The following TRPM3 variants were observed in gnomAD, a reference collection of about 807,000 sequenced individuals.
The protein encoded by TRPM3 is transient receptor potential cation channel subfamily M member 3, also known as long transient receptor potential channel 3.
Under a neutral mutation model 181.2 loss-of-function variants are expected in TRPM3, and 77 were observed. The observed-to-expected ratio is 0.42, with a 90% CI of 0.35 to 0.51. The LOEUF (loss-of-function observed/expected upper bound fraction) is 0.51. TRPM3 is among the 20% of genes least tolerant of loss of function. The pLI, the probability that TRPM3 is intolerant of heterozygous loss-of-function variation, is 0.01. For missense variants in TRPM3, 1,759 were observed against 2,196.7 expected, an observed-to-expected ratio of 0.80 and a Z score of 3.98; for synonymous variants, 745 against 796.4, an observed-to-expected ratio of 0.94 and a Z score of 1.09.
At chr9:71,175,341 C>A (rs779997542) in intron 1 of TRPM3, among the ~76,000 whole-genome samples, 1 of 152,124 alleles carries the variant, frequency 6.6e-6, no homozygotes, top group Non-Finnish European at 1.5e-5. Flanking sequence ...TCAAGAGGAA[C>A]AGAAGGTGAG....
intron 9 of TRPM3, among the ~76,000 whole-genome samples, chr9:70,674,758 G>A (rs1379042277): frequency 1.6e-5 from 2 of 126,116 alleles, no homozygotes; most frequent in South Asian, 2.7e-4. Flanking sequence ...TAGAGACAAG[G>A]TCTCACAATG....
At chr9:70,912,949 T>C (rs1161773297) in intron 1 of TRPM3, among the ~76,000 whole-genome samples, 1 of 152,182 alleles carries the variant, frequency 6.6e-6, no homozygotes, top group Non-Finnish European at 1.5e-5. Context: ...ATTTACATCG[T>C]TCCCAACAGT....
intron 1 of TRPM3, among the ~76,000 whole-genome samples, chr9:70,962,008 A>G (rs1725242258): frequency 6.6e-6 from 1 of 152,168 alleles, no homozygotes; most frequent in African/African-American, 2.4e-5. Flanking sequence ...GGAAATAGAA[A>G]ACAAATTATA....
At chr9:71,166,051 A>C (rs1325982113) in intron 1 of TRPM3, among the ~76,000 whole-genome samples, 1 of 152,184 alleles carries the variant, frequency 6.6e-6, no homozygotes, top group Non-Finnish European at 1.5e-5. Flanking sequence ...GTCAGCGGAC[A>C]CAGAAGAGGA....
chr9:71,022,729 C>T (rs2097856770), intron 1 of TRPM3, among the ~76,000 whole-genome samples: 1 of 151,774 alleles, frequency 6.6e-6, no homozygotes, highest in African/African-American at 2.4e-5. Flanking sequence ...TATGGTACAG[C>T]ATAATAAAAT....
chr9:70,629,589 G>A (rs1186433237), intron 12 of TRPM3, among the ~76,000 whole-genome samples: 2 of 151,934 alleles, frequency 1.3e-5, no homozygotes, highest in East Asian at 3.9e-4. Context: ...CACTCATCTC[G>A]GCCTCCCAAA....
At chr9:71,446,892 T>A, upstream of TRPM3, 1 of 1,440,574 alleles carries the variant, frequency 6.9e-7, no homozygotes. Context: ...TCTCGCTGGC[T>A]CCTCGCCGCG....
Position 70,880,278 on chromosome 9 carries a change from T to C in TRPM3, c.178-15767A>G, listed in dbSNP as rs763385972. 7.0e-4 allele frequency among the ~76,000 whole-genome samples: 107 copies of C among 152,222 alleles called. 1 individual carries two copies. The highest frequency in any genetic ancestry group is 2.0e-3 in the Admixed American group (31 of 15,264). On this transcript the variant is annotated intron_variant, in intron 1 of 25. Coordinates refer to ENST00000677713, the MANE Select transcript of TRPM3 (RefSeq NM_001366145.2). ...ATTTGTTAAACAGTATAATTGCCCA[T>C]CAATTATGTTTTCCCACTGAATTTA... is the stretch of plus-strand genomic sequence containing the variant.
At chr9:71,301,531 C>T (rs535987304) in intron 1 of TRPM3, among the ~76,000 whole-genome samples, 76 of 152,204 alleles carry the variant, frequency 5.0e-4, no homozygotes, top group Non-Finnish European at 9.1e-4. Flanking sequence ...TATGGCAAAA[C>T]GTAATATTAT....
intron 22 of TRPM3, among the ~76,000 whole-genome samples, chr9:70,556,310 C>T (rs561901359): frequency 5.9e-5 from 9 of 151,670 alleles, no homozygotes; most frequent in East Asian, 1.9e-4. Context: ...TGTTTGGCGC[C>T]GGGAACCTCC....
At chr9:71,327,538 T>A (rs1028307918) in intron 1 of TRPM3, among the ~76,000 whole-genome samples, 1 of 152,140 alleles carries the variant, frequency 6.6e-6, no homozygotes, top group Non-Finnish European at 1.5e-5. Context: ...GAGATTAACC[T>A]AGGAACAGGG....
intron 8 of TRPM3, among the ~76,000 whole-genome samples, chr9:70,755,779 A>AT (rs1273182627): frequency 6.6e-6 from 1 of 152,142 alleles, no homozygotes; most frequent in Non-Finnish European, 1.5e-5. Context: ...ATGCTGGGAG[A>AT]TTTTGTCACC....
intron 1 of TRPM3, among the ~76,000 whole-genome samples, chr9:71,442,963 C>T (rs775295666): frequency 3.2e-4 from 48 of 152,242 alleles, no homozygotes; most frequent in Non-Finnish European, 6.3e-4. Context: ...ACTTTTATAC[C>T]TATTGACCAA....
Position 70,535,191 on chromosome 9 carries a change from TCACTTGA to T in TRPM3, c.*755_*761del. On this transcript the variant is annotated 3_prime_UTR_variant, in exon 26 of 26. Coordinates refer to ENST00000677713, the MANE Select transcript of TRPM3 (RefSeq NM_001366145.2). ...TTGAACGCCCACTGTATATAATAAA[TCACTTGA>T]CTTTTGTTTTTTTAACATCAACTCT... The T allele has an allele frequency of 1.8e-6, 1 of 546,228 alleles. No individual in the cohort carries two copies. Among genetic ancestry groups the T allele is most frequent in the South Asian group, 2.7e-5 (1 of 36,696 alleles). The allele number at this position is 546,228 out of a possible 1,614,324, so 33.8% of individuals were successfully genotyped here. A position where few individuals can be genotyped will look rare whatever the true frequency, so the allele number is the denominator to read the frequency against.
chr9:70,959,608 G>C (rs989954945), intron 1 of TRPM3, among the ~76,000 whole-genome samples: 1 of 152,106 alleles, frequency 6.6e-6, no homozygotes, highest in East Asian at 1.9e-4. Context: ...AAAGAAAATA[G>C]CAAGTTGTTA....
chr9:70,915,588 AG>A (rs1317885504), intron 1 of TRPM3, among the ~76,000 whole-genome samples: 5 of 151,894 alleles, frequency 3.3e-5, no homozygotes, highest in Non-Finnish European at 7.4e-5. Flanking sequence ...TACAGGCATG[AG>A]CCACCACGCC....
intron 6 of TRPM3, among the ~76,000 whole-genome samples, chr9:70,788,157 C>A (rs1414464423): frequency 1.0e-5 from 1 of 99,636 alleles, no homozygotes; most frequent in African/African-American, 3.9e-5. Flanking sequence ...TGCTATCCCT[C>A]CCCCCTCCCC....
intron 1 of TRPM3, among the ~76,000 whole-genome samples, chr9:71,196,209 C>T (rs1220123379): frequency 6.6e-6 from 1 of 151,056 alleles, no homozygotes; most frequent in Admixed American, 6.6e-5. Flanking sequence ...TACTTATTTG[C>T]TCTACCTGTG....
intron 1 of TRPM3, among the ~76,000 whole-genome samples, chr9:71,219,796 C>T (rs1317513980): frequency 6.6e-6 from 1 of 152,136 alleles, no homozygotes; most frequent in Non-Finnish European, 1.5e-5. Flanking sequence ...ATCAACAGAA[C>T]ATATGGGACA....
Sources: allele counts gnomAD v4.1 joint callset (sites outside exome capture counted in the v4.1 genomes callset), GRCh38; gene constraint gnomAD v4.1.1; transcripts MANE v1.5; gene names NCBI Gene and HGNC (gene_info 2026-07-23, HGNC 2026-07-21).